DMGDH: variants seen among roughly 807,000 people sequenced by gnomAD.
The protein encoded by DMGDH is dimethylglycine dehydrogenase, mitochondrial.
DMGDH carries 76 observed loss-of-function variants against 95.2 expected under a neutral mutation model. The ratio of observed to expected loss-of-function variants is 0.80; its 90% confidence interval spans 0.66 to 0.97. DMGDH has a LOEUF of 0.97. Among genes scored for constraint, DMGDH ranks in the 50% least tolerant of loss-of-function variants. The pLI, the probability that DMGDH is intolerant of heterozygous loss-of-function variation, is 0.00. For synonymous variants in DMGDH, 345 were observed against 377.6 expected, an observed-to-expected ratio of 0.91 and a Z score of 1.00; for missense variants, 987 against 1,055.0, an observed-to-expected ratio of 0.94 and a Z score of 0.89.
rs75483367 is a variant in DMGDH, at chr5:79,008,828, C to T, written c.2251-3421G>A. 6.9e-3 allele frequency among the ~76,000 whole-genome samples: 1,057 copies of T among 152,136 alleles called. 13 individuals carry two copies. The highest frequency in any genetic ancestry group is 0.013 in the Non-Finnish European group (864 of 67,984). The stretch of plus-strand genomic sequence containing the variant: ...ATAAAATATTAATCAGTAACATTTA[C>T]AATTTCTTATGCCCTTGCTGTGTCA... On this transcript the variant is annotated intron_variant, in intron 14 of 15. Transcript: ENST00000255189.
intron 1 of DMGDH, 73 bp downstream of exon 1, chr5:79,069,447 A>G (rs925750436): frequency 2.2e-6 from 2 of 915,186 alleles, no homozygotes; most frequent in South Asian, 5.3e-5. Flanking sequence ...CTAACCCCTG[A>G]GCCTGCCTCA....
chr5:79,006,248 C>G (rs954201059), intron 14 of DMGDH, among the ~76,000 whole-genome samples: 1 of 150,068 alleles, frequency 6.7e-6, no homozygotes, highest in Non-Finnish European at 1.5e-5. Context: ...ATCAGGCAAA[C>G]TGGAAGACTT....
At position 79,028,628 on chromosome 5, in the gene DMGDH, T is replaced by G. The variant is rs746440396; in HGVS notation, c.1837A>C (p.Lys613Gln). The change falls in exon 12 of 16, where the codon AAA (lysine) becomes CAA (glutamine). Residue 613 changes from lysine to glutamine, a missense_variant. Lys to Gln is a moderately conservative substitution (Grantham distance 53). Transcript: ENST00000255189. The part of the protein sequence containing the change: ...DLRWIEEEAV[K>Q]GGYDVEIKNI... The stretch of plus-strand genomic sequence containing the variant: ...TTAATTTCAACATCATATCCACCTT[T>G]GACTGCTTCTTCTTCAATCCATCTG... 1.2e-6 allele frequency: 2 copies of G among 1,614,182 alleles called. No individual in the cohort carries two copies. Among genetic ancestry groups the G allele is most frequent in the South Asian group, 1.1e-5 (1 of 91,090 alleles).
intron 12 of DMGDH, 74 bp from the exon 13 acceptor site, chr5:79,026,655 AC>A: frequency 6.3e-7 from 1 of 1,593,780 alleles, no homozygotes; most frequent in Non-Finnish European, 8.6e-7. Context: ...TAGCTAGAAC[AC>A]ATATAAGCAG....
chr5:78,998,302 A>G lies in DMGDH; in HGVS notation c.2386-5T>C, dbSNP rs762250101. 9.3e-6 allele frequency: 15 copies of G among 1,611,250 alleles called. No individual in the cohort carries two copies. The South Asian group carries it at 1.7e-4, about 18-fold the overall frequency. On this transcript the variant is annotated splice_polypyrimidine_tract_variant and splice_region_variant and intron_variant, in intron 15 of 15. Transcript: ENST00000255189. ...AGATGTCGTGTTGCCAACCACCTGG[A>G]AAACAAGACCCAACAGTCCTCAGCA...
intron 5 of DMGDH, among the ~76,000 whole-genome samples, chr5:79,045,130 G>A (rs1236007667): frequency 1.3e-5 from 2 of 152,212 alleles, no homozygotes; most frequent in Admixed American, 6.5e-5. Context: ...TACTTCGGGA[G>A]AGAAAGCACA....
chr5:79,040,250 T>C (rs1394758857), intron 7 of DMGDH, among the ~76,000 whole-genome samples: 1 of 152,156 alleles, frequency 6.6e-6, no homozygotes. Context: ...ACCCAGTTAG[T>C]ACTAGAGAAT....
chr5:78,997,999 T>A lies in DMGDH; in HGVS notation c.*83A>T. 2.8e-6 allele frequency: 4 copies of A among 1,418,886 alleles called. No homozygotes were observed. The highest frequency in any genetic ancestry group is 4.0e-6 in the Non-Finnish European group (4 of 1,008,790). 87.9% of individuals were successfully genotyped at this position (1,418,886 alleles called of 1,614,324 possible). A position where few individuals can be genotyped will look rare whatever the true frequency, so the allele number is the denominator to read the frequency against. On this transcript the variant is annotated 3_prime_UTR_variant, in exon 16 of 16. Coordinates refer to ENST00000255189, the MANE Select transcript of DMGDH (RefSeq NM_013391.3). Reference sequence around the variant, plus strand: ...ATTTTGAAATGAATTCCTGGTTTCCTCTATTCCCCTGGGAGCCAGTTATAA... The same window carrying A: ...ATTTTGAAATGAATTCCTGGTTTCCACTATTCCCCTGGGAGCCAGTTATAA...
At chr5:79,042,178 C>G (rs1233128087) in intron 7 of DMGDH, 105 bp downstream of exon 7, 4 of 1,081,086 alleles carry the variant, frequency 3.7e-6, no homozygotes, top group Admixed American at 2.0e-5. Flanking sequence ...CTTTCTCTCT[C>G]TCTCAGCCTC....
Position 79,054,374 on chromosome 5 carries a change from A to G in DMGDH, c.376-26T>C. The G allele has an allele frequency of 1.9e-6, 3 of 1,612,864 alleles. No individual in the cohort carries two copies. The South Asian group carries it at 3.3e-5, about 18-fold the overall frequency. Reference sequence around the variant, plus strand: ...CTGTGACAATAATTCCAGTGAGAGCATATAAATAAGTCATTGTTTGGTACT... The same window carrying G: ...CTGTGACAATAATTCCAGTGAGAGCGTATAAATAAGTCATTGTTTGGTACT... On this transcript the variant is annotated intron_variant, in intron 3 of 15. Coordinates refer to ENST00000255189, the MANE Select transcript of DMGDH (RefSeq NM_013391.3).
At chr5:79,005,155 C>A in intron 15 of DMGDH, 118 bp downstream of exon 15, 2 of 1,356,806 alleles carry the variant, frequency 1.5e-6, no homozygotes, top group Admixed American at 3.7e-5. Context: ...AAATCAAAAG[C>A]GTGTCATCCC....
intron 14 of DMGDH, among the ~76,000 whole-genome samples, chr5:79,011,928 G>A (rs189935253): frequency 2.4e-4 from 36 of 152,126 alleles, no homozygotes; most frequent in African/African-American, 8.7e-4. Flanking sequence ...GATTTGGTGG[G>A]GAAACAGATA....
At chr5:79,039,248 T>C (rs1481176705) in intron 7 of DMGDH, among the ~76,000 whole-genome samples, 5 of 152,020 alleles carry the variant, frequency 3.3e-5, no homozygotes, top group Admixed American at 6.6e-5. Flanking sequence ...GCTATAAAGA[T>C]ACATGCACAC....
At chr5:79,029,363 TTAGAC>T (rs1754090857) in intron 11 of DMGDH, among the ~76,000 whole-genome samples, 1 of 152,180 alleles carries the variant, frequency 6.6e-6, no homozygotes, top group African/African-American at 2.4e-5. Context: ...ATTTGGAATA[TTAGAC>T]TAAAGACTTT....
intron 6 of DMGDH, among the ~76,000 whole-genome samples, chr5:79,043,575 G>A (rs975089881): frequency 6.6e-6 from 1 of 152,136 alleles, no homozygotes; most frequent in African/African-American, 2.4e-5. Flanking sequence ...TATAATTTTA[G>A]GAAGTACCAT....
chr5:79,003,014 G>C (rs1753480433), intron 15 of DMGDH, among the ~76,000 whole-genome samples: 1 of 152,182 alleles, frequency 6.6e-6, no homozygotes, highest in Non-Finnish European at 1.5e-5. Context: ...TGGGTTTTCA[G>C]GGTTTTAAAA....
At position 79,061,175 on chromosome 5, in the gene DMGDH, C is replaced by T. The variant is rs1022171233; in HGVS notation, c.276+2438G>A. 8.6e-5 allele frequency among the ~76,000 whole-genome samples: 13 copies of T among 151,338 alleles called. No homozygotes were observed. In the South Asian group the frequency reaches 1.0e-3, roughly 12 times the overall value. On this transcript the variant is annotated intron_variant, in intron 2 of 15. Transcript: ENST00000255189. Reference sequence around the variant, plus strand: ...TTGAGGCTGCAGTGAGTCATGATCACGCCACTGCACTCCAGCCTGGGTGAC... The same window carrying T: ...TTGAGGCTGCAGTGAGTCATGATCATGCCACTGCACTCCAGCCTGGGTGAC...
At chr5:79,038,689 G>A (rs1754417754) in intron 7 of DMGDH, among the ~76,000 whole-genome samples, 1 of 152,058 alleles carries the variant, frequency 6.6e-6, no homozygotes, top group Non-Finnish European at 1.5e-5. Flanking sequence ...ACTATTTTTT[G>A]AATGTTAATG....
At chr5:79,024,420 C>A in intron 13 of DMGDH, 90 bp from the exon 14 acceptor site, 1 of 1,263,286 alleles carries the variant, frequency 7.9e-7, no homozygotes, top group South Asian at 1.2e-5. Context: ...AGAAAGAACC[C>A]TTTTTGATTT....
Sources: allele counts gnomAD v4.1 joint callset (sites outside exome capture counted in the v4.1 genomes callset), GRCh38; gene constraint gnomAD v4.1.1; transcripts MANE v1.5; gene names NCBI Gene and HGNC (gene_info 2026-07-23, HGNC 2026-07-21).